The following ASXL3 variants were observed in gnomAD, a reference collection of about 807,000 sequenced individuals.
The protein encoded by ASXL3 is putative Polycomb group protein ASXL3.
A neutral mutation model predicts 170.6 loss-of-function variants in ASXL3; 34 were observed. The ratio of observed to expected loss-of-function variants is 0.20; its 90% CI spans 0.15 to 0.27. ASXL3 has a LOEUF of 0.27. ASXL3 is among the 10% of genes least tolerant of loss of function. The probability of loss-of-function intolerance (pLI) is 1.00; values close to 1 mark genes in which losing one functional copy is unlikely to be tolerated. For missense variants in ASXL3, 2,592 were observed against 2,695.3 expected (o/e 0.96, Z 0.85); for synonymous variants, 1,002 against 989.1 (o/e 1.01, Z -0.24).
rs1163898174 is a variant in ASXL3 at position 33,632,021 on chromosome 18, T to C, written c.138-12873T>C. 2.0e-5 allele frequency among the ~76,000 whole-genome samples: 3 copies of C among 152,246 alleles called. No individual in the cohort carries two copies. The East Asian group carries it at 5.8e-4, about 29-fold the overall frequency. Reference sequence around the variant, plus strand: ...AGAGTTATGTTCAGGAGTTGGTATATTGAGTGATTTTTCTCATCTTTTCTT... The same window carrying C: ...AGAGTTATGTTCAGGAGTTGGTATACTGAGTGATTTTTCTCATCTTTTCTT... On this transcript the variant is annotated intron_variant, in intron 2 of 11. Transcript: ENST00000269197.
At chr18:33,634,347 A>G (rs1393355563) in intron 2 of ASXL3, among the ~76,000 whole-genome samples, 1 of 151,238 alleles carries the variant, frequency 6.6e-6, no homozygotes, top group Non-Finnish European at 1.5e-5. Context: ...TTTTTTTAAT[A>G]AAGTCTAACA....
chr18:33,702,109 A>G (rs912275184), intron 8 of ASXL3, among the ~76,000 whole-genome samples: 1 of 152,090 alleles, frequency 6.6e-6, no homozygotes, highest in African/African-American at 2.4e-5. Flanking sequence ...CTGTCATTAT[A>G]CCTTCCTTAA....
chr18:33,579,382 A>C (rs2064973975), intron 1 of ASXL3, among the ~76,000 whole-genome samples: 2 of 152,152 alleles, frequency 1.3e-5, no homozygotes, highest in South Asian at 4.2e-4. Flanking sequence ...TGTTTGGTGA[A>C]GTTGGGTCAG....
chr18:33,591,406 T>A (rs2065075861), intron 1 of ASXL3, among the ~76,000 whole-genome samples: 1 of 152,164 alleles, frequency 6.6e-6, no homozygotes, highest in African/African-American at 2.4e-5. Flanking sequence ...TCCACCAGGA[T>A]CTTTAGTGAG....
At chr18:33,615,737 GATTAA>G (rs1225732695) in intron 2 of ASXL3, among the ~76,000 whole-genome samples, 1 of 152,048 alleles carries the variant, frequency 6.6e-6, no homozygotes, top group Non-Finnish European at 1.5e-5. Context: ...ATGATTGTTT[GATTAA>G]ATTGAATATG....
Position 33,592,122 on chromosome 18 carries a change from G to A in ASXL3, c.54+13437G>A, listed in dbSNP as rs762586197. 3.9e-4 allele frequency among the ~76,000 whole-genome samples: 59 copies of A among 152,160 alleles called. 2 individuals carry two copies. The highest frequency in any genetic ancestry group is 3.4e-3 in the Middle Eastern group (1 of 294). ...ATCTTCTTGGTGCTAGGTGCTAGTC[G>A]TAGGCAGTTCAGATGGGGAAAGCAA... On this transcript the variant is annotated intron_variant, in intron 1 of 11. Transcript: ENST00000269197.
At chr18:33,736,152 C>T (rs2071768513) in intron 10 of ASXL3, among the ~76,000 whole-genome samples, 1 of 152,076 alleles carries the variant, frequency 6.6e-6, no homozygotes, top group Non-Finnish European at 1.5e-5. Flanking sequence ...GGGTCTTAAT[C>T]CTGCAAATCC....
intron 8 of ASXL3, among the ~76,000 whole-genome samples, chr18:33,721,989 A>T (rs2067269477): frequency 6.6e-6 from 1 of 151,982 alleles, no homozygotes; most frequent in East Asian, 1.9e-4. Flanking sequence ...ATATATGGTG[A>T]TATATGACCA....
Position 33,739,134 on chromosome 18 carries a change from C to T in ASXL3, c.1730C>T (p.Ser577Phe), listed in dbSNP as rs377377828. 2 of 1,613,518 alleles carry T rather than the reference C, an allele frequency of 1.2e-6. No homozygotes were observed. The highest frequency in any genetic ancestry group is 2.2e-5 in the East Asian group (1 of 44,868). ...ACCCCCAAAATAAAAACAGGGTCAT[C>T]TTCTCTAGAAGGCCAGTTTCCAAAT... The part of the protein sequence containing the change: ...TSTPKIKTGS[S>F]SLEGQFPNEG... Residue 577 changes from serine to phenylalanine, a missense_variant, in exon 11 of 12, where the codon TCT becomes TTT. Physicochemically the swap from Ser to Phe is radical, Grantham distance 155. Transcript: ENST00000269197.
chr18:33,749,179 G>C lies in ASXL3; in HGVS notation c.*2584G>C, dbSNP rs2067846092. 6.6e-6 allele frequency: 1 copy of C among 150,798 alleles called. No individual in the cohort carries two copies. 9.3% of individuals were successfully genotyped at this position (150,798 alleles called of 1,614,324 possible). A position where few individuals can be genotyped will look rare whatever the true frequency, so the allele number is the denominator to read the frequency against. On this transcript the variant is annotated 3_prime_UTR_variant, in exon 12 of 12. Coordinates refer to ENST00000269197, the MANE Select transcript of ASXL3 (RefSeq NM_030632.3). ...TAAGCTAAAATATAAGGGAAAGGAA[G>C]AAGAGAAATTTAGATGTAAAATGTG... is the stretch of plus-strand genomic sequence containing the variant.
rs185858583 is a variant in ASXL3, at chr18:33,738,766, T to C, written c.1362T>C (p.Ile454=). The C allele has an allele frequency of 1.9e-6, 3 of 1,613,932 alleles. No homozygotes were observed. In the East Asian group the frequency reaches 6.7e-5, roughly 36 times the overall value. ...AAGAATCTGTAATTCAGGAGGAAAT[T>C]GCAGAAGAGGTAGAGACTAGTATCT... ...IPEESVIQEE[I]AEEVETSICE... The change falls in exon 11 of 12, where the codon ATT becomes ATC. Residue 454 remains isoleucine (I), a synonymous_variant. Coordinates refer to ENST00000269197, the MANE Select transcript of ASXL3 (RefSeq NM_030632.3).
At chr18:33,636,346 A>AACC (rs1568294849) in intron 2 of ASXL3, among the ~76,000 whole-genome samples, 14 of 40,182 alleles carry the variant, frequency 3.5e-4, no homozygotes, top group African/African-American at 1.5e-3. Context: ...CAACAACAAC[A>AACC]GCCACAACAA....
chr18:33,695,246 T>A (rs1365389012), intron 8 of ASXL3, among the ~76,000 whole-genome samples: 2 of 152,102 alleles, frequency 1.3e-5, no homozygotes, highest in Non-Finnish European at 2.9e-5. Flanking sequence ...AAGTGTGTGT[T>A]TGAAATGTAA....
At chr18:33,636,643 G>C (rs1291264987) in intron 2 of ASXL3, among the ~76,000 whole-genome samples, 2 of 152,102 alleles carry the variant, frequency 1.3e-5, no homozygotes, top group Non-Finnish European at 2.9e-5. Context: ...GAGGAAGATT[G>C]TGCCCACGGC....
intron 4 of ASXL3, among the ~76,000 whole-genome samples, chr18:33,648,204 C>T (rs999839638): frequency 4.6e-5 from 7 of 151,956 alleles, no homozygotes; most frequent in East Asian, 1.9e-4. Flanking sequence ...TCACTAACTA[C>T]GAAAAAGATA....
intron 1 of ASXL3, among the ~76,000 whole-genome samples, chr18:33,587,210 C>T (rs1312614383): frequency 1.3e-5 from 2 of 152,142 alleles, no homozygotes; most frequent in African/African-American, 4.8e-5. Flanking sequence ...AGTGATATAT[C>T]ATTGAATTTT....
intron 1 of ASXL3, among the ~76,000 whole-genome samples, chr18:33,601,795 A>ATATATATATATATATATATATATATAT (rs1377913565): frequency 7.0e-6 from 1 of 143,598 alleles, no homozygotes; most frequent in Non-Finnish European, 1.5e-5. Flanking sequence ...GTATATATAT[A>ATATATATATATATATATATATATATAT]GTTTGTTTGT....
At chr18:33,677,935 G>A (rs939941560) in intron 7 of ASXL3, among the ~76,000 whole-genome samples, 1 of 152,086 alleles carries the variant, frequency 6.6e-6, no homozygotes, top group African/African-American at 2.4e-5. Flanking sequence ...TTTTGTGTAA[G>A]CTGAAGTGCA....
Position 33,745,404 on chromosome 18 carries a change from A to G in ASXL3, c.5556A>G (p.Pro1852=). The change falls in exon 12 of 12, where the codon CCA becomes CCG. Residue 1852 remains proline, a synonymous_variant. Coordinates refer to ENST00000269197, the MANE Select transcript of ASXL3 (RefSeq NM_030632.3). ...AACCAGGAAAATTGTTGGTGGAGCC[A>G]GATGTTAAAGGGGTGCCTTGTGTCA... ...KCEPGKLLVE[P]DVKGVPCVIS... The G allele has an allele frequency of 1.2e-6, 2 of 1,613,986 alleles. No homozygotes were observed. Among genetic ancestry groups the G allele is most frequent in the Non-Finnish European group, 1.7e-6 (2 of 1,179,892 alleles).
Sources: allele counts gnomAD v4.1 joint callset (sites outside exome capture counted in the v4.1 genomes callset), GRCh38; gene constraint gnomAD v4.1.1; transcripts MANE v1.5; gene names NCBI Gene and HGNC (gene_info 2026-07-23, HGNC 2026-07-21).